Variants in RAB27B observed in about 807,000 individuals in gnomAD.
RAB27B encodes ras-related protein Rab-27B.
In RAB27B, 15 loss-of-function variants were observed where a neutral mutation model predicts 24.6. The observed-to-expected ratio is 0.61, with a 90% CI of 0.41 to 0.94. The LOEUF (loss-of-function observed/expected upper bound fraction) is 0.94, where lower values mean the gene tolerates loss of function less well. Among genes scored for constraint, RAB27B ranks in the 40% least tolerant of loss-of-function variants. RAB27B has a pLI of 0.00. For missense variants in RAB27B, 261 were observed against 266.8 expected (o/e 0.98, Z 0.15); for synonymous variants, 105 against 92.5 (o/e 1.14, Z -0.78).
upstream of RAB27B, among the ~76,000 whole-genome samples, chr18:54,823,685 T>G (rs1364254331): frequency 6.6e-6 from 1 of 152,208 alleles, no homozygotes; most frequent in Non-Finnish European, 1.5e-5. Flanking sequence ...TGCAAACCTC[T>G]CAAATCTATC....
At chr18:54,799,614 A>ATTTTTTTTTTTTTTTTTTTTTTTTT (rs869256244) in intron 2 of RAB27B, among the ~76,000 whole-genome samples, 1 of 67,526 alleles carries the variant, frequency 1.5e-5, no homozygotes, top group African/African-American at 6.0e-5. Flanking sequence ...TAATAAAATG[A>ATTTTTTTTTTTTTTTTTTTTTTTTT]TTTTTTTTTT....
chr18:54,766,159 C>T (rs1283387428), intron 2 of RAB27B, among the ~76,000 whole-genome samples: 1 of 152,206 alleles, frequency 6.6e-6, no homozygotes, highest in Admixed American at 6.5e-5. Flanking sequence ...ACATGGCTTT[C>T]TTCCATCTTA....
At chr18:54,743,448 T>A (rs191433201) in intron 2 of RAB27B, among the ~76,000 whole-genome samples, 2 of 152,190 alleles carry the variant, frequency 1.3e-5, no homozygotes, top group African/African-American at 2.4e-5. Flanking sequence ...TTAATGAAGA[T>A]CAAGGGCCGA....
chr18:54,723,337 C>T (rs1194097300), intron 2 of RAB27B, among the ~76,000 whole-genome samples: 1 of 152,142 alleles, frequency 6.6e-6, no homozygotes, highest in East Asian at 1.9e-4. Flanking sequence ...TTCTTTATTG[C>T]TATGTATTGG....
intron 2 of RAB27B, among the ~76,000 whole-genome samples, chr18:54,819,665 C>CA (rs1382413561): frequency 1.3e-5 from 2 of 151,518 alleles, no homozygotes; most frequent in Non-Finnish European, 2.9e-5. Context: ...TACATGTGCA[C>CA]AACGTGCATG....
At chr18:54,876,918 C>G (rs1044800434) in intron 1 of RAB27B, among the ~76,000 whole-genome samples, 2 of 152,040 alleles carry the variant, frequency 1.3e-5, no homozygotes, top group African/African-American at 4.8e-5. Flanking sequence ...TTTTAAAACA[C>G]AAGTCTATAA....
intron 2 of RAB27B, among the ~76,000 whole-genome samples, chr18:54,811,734 C>A (rs1436260052): frequency 6.6e-6 from 1 of 152,048 alleles, no homozygotes; most frequent in Non-Finnish European, 1.5e-5. Flanking sequence ...GATCTTGAGG[C>A]CTTCAGGAAT....
chr18:54,722,764 A>AT (rs936148325), intron 2 of RAB27B, among the ~76,000 whole-genome samples: 4 of 152,180 alleles, frequency 2.6e-5, no homozygotes, highest in African/African-American at 4.8e-5. Context: ...ACTGCTATAC[A>AT]TTTTTTTAAG....
At chr18:54,852,197 C>T (rs1911613941) in intron 1 of RAB27B, among the ~76,000 whole-genome samples, 1 of 152,104 alleles carries the variant, frequency 6.6e-6, no homozygotes, top group Admixed American at 6.6e-5. Context: ...AGATCATTTC[C>T]ACCTACTCAA....
At chr18:54,751,196 G>T (rs1396341181) in intron 2 of RAB27B, among the ~76,000 whole-genome samples, 1 of 152,126 alleles carries the variant, frequency 6.6e-6, no homozygotes, top group Non-Finnish European at 1.5e-5. Flanking sequence ...GTTCATATGA[G>T]AGGGGAGGGA....
chr18:54,818,508 T>G (rs890969511), intron 2 of RAB27B, among the ~76,000 whole-genome samples: 5 of 152,166 alleles, frequency 3.3e-5, no homozygotes, highest in Non-Finnish European at 4.4e-5. Context: ...TCATTTGGCA[T>G]TTTGTTGTCC....
Position 54,801,008 on chromosome 18 carries a change from G to GTTTTT in RAB27B, c.-19-76539_-19-76535dup, listed in dbSNP as rs11363761. ...ATTTTTAAATTTGTTTTGTTCCTGTGTTTTTTTTTTTTTTTTTTTTTTTTA... is the reference window on the plus strand; with the variant it reads ...ATTTTTAAATTTGTTTTGTTCCTGTGTTTTTTTTTTTTTTTTTTTTTTTTTTTTTA... On this transcript the variant is annotated intron_variant, in intron 2 of 4. Coordinates refer to the RAB27B transcript ENST00000586570. Among the ~76,000 whole-genome samples the GTTTTT allele has an allele frequency of 4.6e-3, 427 of 93,040 alleles. 19 individuals carry two copies. The highest frequency in any genetic ancestry group is 0.017 in the African/African-American group (400 of 23,782). 61.0% of individuals were successfully genotyped at this position (93,040 alleles called of 152,430 possible). A position where few individuals can be genotyped will look rare whatever the true frequency, so the allele number is the denominator to read the frequency against.
chr18:54,795,476 C>T (rs151137497), intron 2 of RAB27B, among the ~76,000 whole-genome samples: 1 of 152,244 alleles, frequency 6.6e-6, no homozygotes, highest in East Asian at 1.9e-4. Context: ...ATCTCCCTAA[C>T]TAACTAAAAT....
At chr18:54,802,196 C>T (rs1340259193) in intron 2 of RAB27B, among the ~76,000 whole-genome samples, 1 of 152,200 alleles carries the variant, frequency 6.6e-6, no homozygotes, top group East Asian at 1.9e-4. Context: ...GCAATATTTG[C>T]TAGAACAGAA....
At chr18:54,886,485 C>A (rs1045904844) in intron 4 of RAB27B, among the ~76,000 whole-genome samples, 5 of 151,958 alleles carry the variant, frequency 3.3e-5, no homozygotes, top group Non-Finnish European at 5.9e-5. Flanking sequence ...TATAGAACCA[C>A]TCTCGGTGTG....
rs754744114 is a variant in RAB27B, at chr18:54,889,316, A to G, written c.560A>G (p.Gln187Arg). The change falls in exon 6 of 6, where the codon CAG (glutamine) becomes CGG (arginine). Residue 187 changes from glutamine to arginine, a missense_variant. Physicochemically the swap from Gln to Arg is conservative, Grantham distance 43 (BLOSUM62 1). Coordinates refer to ENST00000262094, the MANE Select transcript of RAB27B (RefSeq NM_004163.4). ...GACTTAATCATGAAGCGAATGGAAC[A>G]GTGTGTGGAGAAGACACAAATCCCT... The part of the protein sequence containing the change: ...LLDLIMKRME[Q>R]CVEKTQIPDT... 7 of 1,613,538 alleles carry G rather than the reference A, an allele frequency of 4.3e-6. No individual in the cohort carries two copies. The Admixed American group carries it at 5.0e-5, about 12-fold the overall frequency.
chr18:54,736,479 A>G (rs1467723149), intron 2 of RAB27B, among the ~76,000 whole-genome samples: 2 of 152,166 alleles, frequency 1.3e-5, no homozygotes, highest in Non-Finnish European at 2.9e-5. Flanking sequence ...AGTAAAAAAA[A>G]AAGGCTATTA....
Position 54,889,207 on chromosome 18 carries a change from C to A in RAB27B, c.468-17C>A. 6.3e-7 allele frequency: 1 copy of A among 1,585,996 alleles called. No homozygotes were observed. The highest frequency in any genetic ancestry group is 1.2e-5 in the South Asian group (1 of 85,738). On this transcript the variant is annotated splice_polypyrimidine_tract_variant and intron_variant, in intron 5 of 5. Coordinates refer to ENST00000262094, the MANE Select transcript of RAB27B (RefSeq NM_004163.4). The stretch of plus-strand genomic sequence containing the variant: ...ATTTCTTCCTCTCAAAAATATTTGC[C>A]ATCCTTTCTATGCTAGCATACCATA...
At chr18:54,765,819 T>C (rs1019861598) in intron 2 of RAB27B, among the ~76,000 whole-genome samples, 37 of 152,164 alleles carry the variant, frequency 2.4e-4, no homozygotes, top group African/African-American at 8.0e-4. Flanking sequence ...AGGAGATATT[T>C]GCCCACACCC....
Sources: gnomAD v4.1 joint callset for allele counts (sites outside exome capture counted in the v4.1 genomes callset) on GRCh38, gnomAD v4.1.1 for gene constraint, MANE v1.5 for transcripts, NCBI Gene and HGNC (gene_info 2026-07-23, HGNC 2026-07-21) for gene names.